Variants in LILRB2 observed in about 807,000 individuals in gnomAD.
LILRB2 encodes the protein leukocyte immunoglobulin-like receptor subfamily B member 2.
In LILRB2, 47 loss-of-function variants were observed where a neutral mutation model predicts 72.7. The observed-to-expected ratio is 0.65, with a 90% confidence interval of 0.51 to 0.82. The LOEUF (loss-of-function observed/expected upper bound fraction) is 0.82. LILRB2 is among the 40% of genes least tolerant of loss of function. The probability of loss-of-function intolerance (pLI) is 0.00; values close to 1 mark genes in which losing one functional copy is unlikely to be tolerated. For missense variants in LILRB2, 767 were observed against 764.8 expected (o/e 1.00, Z -0.03); for synonymous variants, 279 against 313.7 (o/e 0.89, Z 1.17).
At chr19:54,276,583 A>G (rs2080239452) in intron 10 of LILRB2, 127 bp from the exon 11 acceptor site, 3 of 1,445,126 alleles carry the variant, frequency 2.1e-6, no homozygotes, top group Non-Finnish European at 2.8e-6. Flanking sequence ...GCCTCATGAG[A>G]TGGACAGAGT....
At position 54,274,229 on chromosome 19, in the gene LILRB2, T is replaced by C. The variant is rs1288695113; in HGVS notation, c.*454A>G. The C allele has an allele frequency of 7.5e-5, 12 of 159,922 alleles. No individual in the cohort carries two copies. Among genetic ancestry groups the C allele is most frequent in the Admixed American group, 7.3e-4 (12 of 16,514 alleles). The allele number at this position is 159,922 out of a possible 1,614,324, so 9.9% of individuals were successfully genotyped here. The stretch of plus-strand genomic sequence containing the variant: ...TTGGTTTTTCCTCATGAGCAACTCT[T>C]CTTCTTCTTATTCCCTTTCTTACAC... On this transcript the variant is annotated 3_prime_UTR_variant, in exon 14 of 14. Coordinates refer to ENST00000314446, the MANE Select transcript of LILRB2 (RefSeq NM_001080978.4).
chr19:54,278,545 G>T lies in LILRB2; in HGVS notation c.973C>A (p.Pro325Thr), dbSNP rs753037202. Residue 325 changes from proline to threonine, a missense_variant, in exon 7 of 14, where the codon CCC becomes ACC. This residue lies in a region of LILRB2 where 599 missense variants were observed against 568.2 expected (regional missense o/e 1.05). Coordinates refer to ENST00000314446, the MANE Select transcript of LILRB2 (RefSeq NM_001080978.4). ...ILITGQIRGT[P>T]FISVQPGPTV... ...GGGCCTGGCTGCACTGAGATGAAGG[G>T]TGTGCCACGGATCTGTCCTGGAGAG... The T allele has an allele frequency of 3.1e-6, 5 of 1,614,202 alleles. No individual in the cohort carries two copies. The highest frequency in any genetic ancestry group is 4.2e-6 in the Non-Finnish European group (5 of 1,180,024).
intron 9 of LILRB2, 59 bp downstream of exon 9, chr19:54,277,491 G>T: frequency 1.3e-6 from 2 of 1,549,076 alleles, no homozygotes; most frequent in Non-Finnish European, 1.7e-6. Context: ...ACCTAGGACA[G>T]AACCCACCCC....
intron 13 of LILRB2, chr19:54,275,247 T>C (rs443501): frequency 0.81 from 649,514 of 806,496 alleles, 269,030 homozygotes; most frequent in Middle Eastern, 0.9. Flanking sequence ...GCTCCTCACT[T>C]TGACCTTGCC....
At chr19:54,277,829 ACT>A in intron 8 of LILRB2, 58 bp downstream of exon 8, 1 of 1,413,056 alleles carries the variant, frequency 7.1e-7, no homozygotes. Flanking sequence ...CCTCCTGGAC[ACT>A]CAAAGCTGCC....
chr19:54,276,072 C>T, intron 12 of LILRB2, 69 bp from the exon 13 acceptor site: 1 of 1,592,240 alleles, frequency 6.3e-7, no homozygotes, highest in Non-Finnish European at 8.6e-7. Flanking sequence ...CTGCCAGCCC[C>T]TGCCCTGCTC....
At chr19:54,277,385 T>C (rs1158740525) in intron 9 of LILRB2, 165 bp downstream of exon 9, 24 of 1,265,552 alleles carry the variant, frequency 1.9e-5, no homozygotes, top group Non-Finnish European at 2.5e-5. Flanking sequence ...TGAAAGGAAC[T>C]TTCCCACCTG....
At chr19:54,275,363 G>T (rs144529871) in intron 13 of LILRB2, 1 of 518,594 alleles carries the variant, frequency 1.9e-6, no homozygotes, top group East Asian at 3.7e-5. Context: ...TTAGAGGATC[G>T]TGTGCCCCAC....
chr19:54,278,134 G>T, intron 7 of LILRB2, 126 bp downstream of exon 7: 1 of 1,341,488 alleles, frequency 7.5e-7, no homozygotes, highest in Middle Eastern at 2.6e-4. Flanking sequence ...CCCTCTGAGG[G>T]TGAGTCTCCC....
chr19:54,274,318 TTTCCTAGTTTTTTTTTTTCG>T lies in LILRB2; in HGVS notation c.*345_*364del, dbSNP rs1273716473. On this transcript the variant is annotated 3_prime_UTR_variant, in exon 14 of 14. Coordinates refer to ENST00000314446, the MANE Select transcript of LILRB2 (RefSeq NM_001080978.4). ...CTTATACGAAAGCCAACGTCATTCA[TTTCCTAGTTTTTTTTTTTCG>T]TTTCTACTTTTTTCATTTGTGGTTT... 2 of 208,520 alleles carry T rather than the reference TTTCCTAGTTTTTTTTTTTCG, an allele frequency of 9.6e-6. No individual in the cohort carries two copies. Among genetic ancestry groups the T allele is most frequent in the Non-Finnish European group, 1.9e-5 (2 of 105,252 alleles). The allele number at this position is 208,520 out of a possible 1,614,324, so 12.9% of individuals were successfully genotyped here. A position where few individuals can be genotyped will look rare whatever the true frequency, so the allele number is the denominator to read the frequency against.
chr19:54,277,275 T>A (rs975200779), intron 9 of LILRB2: 39 of 1,496,222 alleles, frequency 2.6e-5, no homozygotes, highest in South Asian at 9.7e-5. Flanking sequence ...GGTCACCGTC[T>A]CTGCTGCAGG....
intron 4 of LILRB2, 38 bp downstream of exon 4, chr19:54,279,753 G>A (rs756036117): frequency 2.7e-5 from 43 of 1,611,866 alleles, no homozygotes; most frequent in African/African-American, 5.3e-5. Flanking sequence ...CTTCCTGAGG[G>A]CAGAGCCTGG....
At chr19:54,280,767 C>T (rs1489464413) in intron 1 of LILRB2, 194 bp downstream of exon 1, 11 of 779,548 alleles carry the variant, frequency 1.4e-5, no homozygotes, top group Middle Eastern at 2.3e-4. Context: ...CTTTCCTGAC[C>T]CCCAGCCACT....
chr19:54,276,881 A>T lies in LILRB2; in HGVS notation c.1406T>A (p.Val469Asp), dbSNP rs141786258. ...GVVIGILVAV[V>D]LLLLLLLLLF... is the part of the protein sequence containing the mutation. ...GAGGAGGAGGAGGAGGAGCAGTAGGACGACGGCCACCAAGATGCCGATCAC... is the reference window on the plus strand; with the variant it reads ...GAGGAGGAGGAGGAGGAGCAGTAGGTCGACGGCCACCAAGATGCCGATCAC... The change falls in exon 10 of 14, where the codon GTC (valine) becomes GAC (aspartate). Residue 469 changes from valine (V) to aspartate (D), a missense_variant. Transcript: ENST00000314446. 9 of 1,613,934 alleles carry T rather than the reference A, an allele frequency of 5.6e-6. No homozygotes were observed. Among genetic ancestry groups the T allele is most frequent in the Non-Finnish European group, 7.6e-6 (9 of 1,179,950 alleles).
In LILRB2 at chr19:54,276,901, G is replaced by T. The variant is rs748538639; in HGVS notation, c.1386C>A (p.Ile462=). 1 of 1,613,868 alleles carries T rather than the reference G, an allele frequency of 6.2e-7. No individual in the cohort carries two copies. The highest frequency in any genetic ancestry group is 8.5e-7 in the Non-Finnish European group (1 of 1,179,946). ...SGLGRHLGVV[I]GILVAVVLLL... ...GTAGGACGACGGCCACCAAGATGCC[G>T]ATCACAACCCCCAGGTGCCTTCCCA... is the stretch of plus-strand genomic sequence containing the variant. The change falls in exon 10 of 14, where the codon ATC becomes ATA. Residue 462 remains isoleucine (I), a synonymous_variant. Coordinates refer to ENST00000314446, the MANE Select transcript of LILRB2 (RefSeq NM_001080978.4).
In LILRB2 at chr19:54,281,050, C is replaced by T. The variant is rs879159094; in HGVS notation, c.-138G>A. On this transcript the variant is annotated 5_prime_UTR_variant, in exon 1 of 14. Coordinates refer to ENST00000314446, the MANE Select transcript of LILRB2 (RefSeq NM_001080978.4). Reference sequence around the variant, plus strand: ...GACTCAGATCAGCAGAGAAGCATCTCGCCTCTGGCTGTGCTGTCCAGGTTG... The same window carrying T: ...GACTCAGATCAGCAGAGAAGCATCTTGCCTCTGGCTGTGCTGTCCAGGTTG... The T allele has an allele frequency of 0.016, 4,875 of 295,732 alleles. 1 individual carries two copies. The highest frequency in any genetic ancestry group is 0.097 in the South Asian group (3,929 of 40,392). The allele number at this position is 295,732 out of a possible 1,614,324, so 18.3% of individuals were successfully genotyped here.
In LILRB2 at chr19:54,279,437, T is replaced by G. The variant is rs373341013; in HGVS notation, c.566A>C (p.Asn189Thr). 1 of 1,591,128 alleles carries G rather than the reference T, an allele frequency of 6.3e-7. No individual in the cohort carries two copies. Among genetic ancestry groups the G allele is most frequent in the Non-Finnish European group, 8.6e-7 (1 of 1,168,358 alleles). ...ATAGCACCTGTGCGACCACCTGCGA[T>G]TCGGGCTCACGGGGCCCACGGAGAA... ...AIFSVGPVSPNRRWSHRCYGY... is the reference protein window; with the variant it reads ...AIFSVGPVSPTRRWSHRCYGY... The change falls in exon 5 of 14, where the codon AAT (asparagine) becomes ACT (threonine). Residue 189 changes from asparagine to threonine, a missense_variant. Physicochemically the swap from Asn to Thr is moderately conservative, Grantham distance 65 (BLOSUM62 0). Transcript: ENST00000314446.
In LILRB2 at chr19:54,278,159, G is replaced by T. The variant is rs141750497; in HGVS notation, c.1258+101C>A. On this transcript the variant is annotated intron_variant, in intron 7 of 13. Transcript: ENST00000314446. ...GTGAGTCTCCCACTGGCTGAGCCCC[G>T]CTCAGACCCCCGCTCACTCCATCCC... 90 of 1,500,606 alleles carry T rather than the reference G, an allele frequency of 6.0e-5. No individual in the cohort carries two copies. In the East Asian group the frequency reaches 9.4e-4, roughly 16 times the overall value. 93.0% of individuals were successfully genotyped at this position (1,500,606 alleles called of 1,614,324 possible).
chr19:54,275,143 G>C (rs1269496734), intron 13 of LILRB2: 2 of 1,526,698 alleles, frequency 1.3e-6, no homozygotes, highest in Admixed American at 1.8e-5. Flanking sequence ...CTGTTCCCGG[G>C]GTGATCCGAT....
Sources: allele counts gnomAD v4.1 joint callset, GRCh38; gene constraint gnomAD v4.1.1; regional missense constraint gnomAD v4.1.1; transcripts MANE v1.5; gene names NCBI Gene and HGNC (gene_info 2026-07-23, HGNC 2026-07-21).